Variants in VSX2 observed in about 807,000 individuals in gnomAD.
VSX2 encodes the protein ceh-10 homeo domain containing homolog.
Under a neutral mutation model 32.1 loss-of-function variants are expected in VSX2, and 28 were observed. The observed-to-expected ratio is 0.87, with a 90% confidence interval of 0.65 to 1.20. The LOEUF (loss-of-function observed/expected upper bound fraction) is 1.20, where lower values mean the gene tolerates loss of function less well. Ranked by LOEUF, VSX2 falls within the 50% of genes most tolerant of loss-of-function variation. VSX2 has a pLI of 0.00. For synonymous variants in VSX2, 243 were observed against 214.1 expected, an observed-to-expected ratio of 1.14 and a Z score of -1.18; for missense variants, 506 against 488.7, an observed-to-expected ratio of 1.04 and a Z score of -0.33.
At chr14:74,242,899 G>A (rs11845883) in intron 2 of VSX2, among the ~76,000 whole-genome samples, 3,841 of 152,214 alleles carry the variant, frequency 0.025, 180 homozygotes, top group African/African-American at 0.088. Context: ...TCACTGCATG[G>A]CACTTAGTGA....
At chr14:74,257,709 A>ACCCCC (rs33974776) in intron 3 of VSX2, among the ~76,000 whole-genome samples, 16 of 134,018 alleles carry the variant, frequency 1.2e-4, no homozygotes, top group African/African-American at 2.6e-4. Flanking sequence ...CGCGCGGACC[A>ACCCCC]CCCCCCACCC....
At chr14:74,242,031 C>T (rs1819918074) in intron 2 of VSX2, among the ~76,000 whole-genome samples, 1 of 152,128 alleles carries the variant, frequency 6.6e-6, no homozygotes, top group African/African-American at 2.4e-5. Context: ...ACAGGTATAT[C>T]TTGAAAAGTA....
Position 74,247,113 on chromosome 14 carries a change from G to A in VSX2, c.579+1825G>A, listed in dbSNP as rs1423122007. 3.3e-5 allele frequency among the ~76,000 whole-genome samples: 5 copies of A among 152,116 alleles called. No individual in the cohort carries two copies. In the East Asian group the frequency reaches 9.6e-4, roughly 29 times the overall value. ...GGAGAAATGAGGAAAGAGTCTCAGA[G>A]CCTTTGAGCACCACATGCCTGAATG... On this transcript the variant is annotated intron_variant, in intron 3 of 4. Transcript: ENST00000261980.
At chr14:74,243,400 C>G (rs1369687228) in intron 2 of VSX2, among the ~76,000 whole-genome samples, 1 of 152,138 alleles carries the variant, frequency 6.6e-6, no homozygotes, top group East Asian at 1.9e-4. Flanking sequence ...GGAAGTGTGT[C>G]AGCTCTGAGG....
At chr14:74,253,235 C>T (rs972057628) in intron 3 of VSX2, among the ~76,000 whole-genome samples, 3 of 151,974 alleles carry the variant, frequency 2.0e-5, no homozygotes, top group Admixed American at 1.3e-4. Context: ...GGCACCTTGA[C>T]GCAGGGTCTT....
At chr14:74,245,049 G>A in intron 2 of VSX2, 116 bp from the exon 3 acceptor site, 1 of 1,370,996 alleles carries the variant, frequency 7.3e-7, no homozygotes, top group Non-Finnish European at 1.0e-6. Flanking sequence ...CTATTGTGCT[G>A]AGCCAGCCTG....
chr14:74,251,164 A>C (rs1182754142), intron 3 of VSX2, among the ~76,000 whole-genome samples: 1 of 151,624 alleles, frequency 6.6e-6, no homozygotes, highest in East Asian at 2.0e-4. Flanking sequence ...AAAATACAAA[A>C]TTACGCCGGG....
Position 74,239,904 on chromosome 14 carries a change from C to A in VSX2, c.343C>A (p.Leu115Met). 1 of 1,570,914 alleles carries A rather than the reference C, an allele frequency of 6.4e-7. No individual in the cohort carries two copies. The highest frequency in any genetic ancestry group is 8.6e-7 in the Non-Finnish European group (1 of 1,158,988). Residue 115 changes from leucine to methionine, a missense_variant, in exon 1 of 5, where the codon CTG (leucine) becomes ATG (methionine). Transcript: ENST00000261980. ...GCCATTGGGCAGAGCATCGGGGCCG[C>A]TGGACACCAGCCAGACGGCCAGCTC... ...LQPLGRASGP[L>M]DTSQTASSDS...
chr14:74,252,394 C>CTTTTTTT (rs1241617225), intron 3 of VSX2, among the ~76,000 whole-genome samples: 1 of 143,352 alleles, frequency 7.0e-6, no homozygotes. Flanking sequence ...TCTTTTCTTT[C>CTTTTTTT]TTTTTTTTTT....
At chr14:74,242,780 C>G (rs2079159316) in intron 2 of VSX2, among the ~76,000 whole-genome samples, 2 of 152,016 alleles carry the variant, frequency 1.3e-5, no homozygotes, top group African/African-American at 4.8e-5. Flanking sequence ...CAAAACTGCC[C>G]TTGTGCTGGT....
At chr14:74,255,729 AC>A (rs2139643005) in intron 3 of VSX2, among the ~76,000 whole-genome samples, 1 of 152,252 alleles carries the variant, frequency 6.6e-6, no homozygotes, top group East Asian at 1.9e-4. Flanking sequence ...AGGGCAGTGC[AC>A]CTTGCCAGGT....
intron 3 of VSX2, among the ~76,000 whole-genome samples, chr14:74,252,062 G>A (rs369152735): frequency 6.6e-6 from 1 of 152,254 alleles, no homozygotes. Context: ...GGGTCTCCTG[G>A]GAGATGATTG....
chr14:74,240,053 C>G (rs1202839636), intron 1 of VSX2, 122 bp downstream of exon 1: 1 of 1,349,706 alleles, frequency 7.4e-7, no homozygotes. Context: ...GGCCGGGGGT[C>G]GCCGCCTGGG....
chr14:74,243,056 T>C (rs771119168), intron 2 of VSX2, among the ~76,000 whole-genome samples: 6 of 152,170 alleles, frequency 3.9e-5, no homozygotes, highest in Admixed American at 6.5e-5. Flanking sequence ...GAGAAGGTTA[T>C]TGGAGAGAGG....
intron 3 of VSX2, 139 bp from the exon 4 acceptor site, chr14:74,259,463 C>T: frequency 4.4e-6 from 4 of 909,392 alleles, no homozygotes; most frequent in Non-Finnish European, 7.0e-6. Context: ...TGGAGGAACA[C>T]AGAGGGCACC....
At chr14:74,257,106 G>A (rs1212342877) in intron 3 of VSX2, among the ~76,000 whole-genome samples, 1 of 152,112 alleles carries the variant, frequency 6.6e-6, no homozygotes, top group Non-Finnish European at 1.5e-5. Flanking sequence ...CGCAGGCCCC[G>A]GGTAACACAG....
intron 3 of VSX2, among the ~76,000 whole-genome samples, chr14:74,249,459 G>A (rs557566625): frequency 1.3e-5 from 2 of 152,122 alleles, no homozygotes; most frequent in Admixed American, 6.5e-5. Context: ...TTAGAGAGAC[G>A]AGTTTTTGCC....
At position 74,244,881 on chromosome 14, in the gene VSX2, AGT is replaced by A. The variant is rs57885912; in HGVS notation, c.456-236_456-235del. Among the ~76,000 whole-genome samples, 9,706 of 50,696 alleles carry A rather than the reference AGT, an allele frequency of 0.19. 1,202 individuals carry two copies. Among genetic ancestry groups the A allele is most frequent in the Middle Eastern group, 0.28 (31 of 110 alleles). The allele number at this position is 50,696 out of a possible 152,430, so 33.3% of individuals were successfully genotyped here. ...AACTATGAGACAGAGAGAGAGAGAA[AGT>A]GTGTGTGTGTGTGTGTGTGTGTGTG... is the stretch of plus-strand genomic sequence containing the variant. On this transcript the variant is annotated intron_variant, in intron 2 of 4. Coordinates refer to ENST00000261980, the MANE Select transcript of VSX2 (RefSeq NM_182894.3).
rs1004021129 is a variant in VSX2 at position 74,239,801 on chromosome 14, G to C, written c.240G>C (p.Gly80=). ...PAGVGGMGLL[G]PGGLPGFYTQ... Reference sequence around the variant, plus strand: ...GGGTGGGCGGCATGGGGCTTCTGGGGCCCGGGGGGCTCCCTGGCTTCTACA... The same window carrying C: ...GGGTGGGCGGCATGGGGCTTCTGGGCCCCGGGGGGCTCCCTGGCTTCTACA... The change falls in exon 1 of 5, where the codon GGG becomes GGC. Residue 80 remains glycine (G), a synonymous_variant. Transcript: ENST00000261980. 5.7e-6 allele frequency: 9 copies of C among 1,568,216 alleles called. No individual in the cohort carries two copies. Among genetic ancestry groups the C allele is most frequent in the Admixed American group, 3.8e-5 (2 of 53,110 alleles).
Sources: allele counts gnomAD v4.1 joint callset (sites outside exome capture counted in the v4.1 genomes callset), GRCh38; gene constraint gnomAD v4.1.1; transcripts MANE v1.5; gene names NCBI Gene and HGNC (gene_info 2026-07-23, HGNC 2026-07-21).